The following ACLY variants were observed in gnomAD, a reference collection of about 807,000 sequenced individuals.
ACLY encodes the protein ATP citrate lyase.
In ACLY, 41 loss-of-function variants were observed where a neutral mutation model predicts 133.0. That is an observed-to-expected ratio of 0.31 (90% confidence interval 0.24 to 0.40). The LOEUF is 0.40. ACLY is among the 10% of genes least tolerant of loss of function. The pLI is 1.00. For synonymous variants in ACLY, 495 were observed against 549.3 expected (o/e 0.90, Z 1.38); for missense variants, 1,046 against 1,453.8 (o/e 0.72, Z 4.56).
intron 14 of ACLY, 48 bp downstream of exon 14, chr17:41,896,572 C>G (rs574285885): frequency 6.6e-7 from 1 of 1,514,206 alleles, no homozygotes; most frequent in South Asian, 1.3e-5. Context: ...AACTGTCACC[C>G]GCTAACAAAG....
intron 22 of ACLY, among the ~76,000 whole-genome samples, chr17:41,876,241 A>G (rs187475593): frequency 1.4e-5 from 2 of 139,378 alleles, no homozygotes; most frequent in African/African-American, 2.8e-5. Flanking sequence ...CGGGAGGGAG[A>G]TGGGGGTCAG....
intron 9 of ACLY, 144 bp from the exon 10 acceptor site, chr17:41,904,934 C>T: frequency 1.4e-6 from 1 of 738,936 alleles, no homozygotes. Flanking sequence ...GTAGGACAGT[C>T]TCTCCAGACA....
At chr17:41,892,969 G>A in intron 15 of ACLY, 64 bp downstream of exon 15, 1 of 1,569,488 alleles carries the variant, frequency 6.4e-7, no homozygotes, top group Non-Finnish European at 8.7e-7. Flanking sequence ...ATGAGCCACT[G>A]TGCCCAGCCC....
intron 1 of ACLY, among the ~76,000 whole-genome samples, chr17:41,924,852 C>G (rs2050223318): frequency 6.6e-6 from 1 of 152,040 alleles, no homozygotes; most frequent in South Asian, 2.1e-4. Context: ...TTCCCAGAGT[C>G]ACCCCCACTC....
intron 16 of ACLY, among the ~76,000 whole-genome samples, chr17:41,887,936 T>G (rs564436971): frequency 0.017 from 2,528 of 152,170 alleles, 81 homozygotes; most frequent in African/African-American, 0.058. Context: ...GAGACCAGCC[T>G]GGCCAACGTA....
chr17:41,913,448 C>T (rs2049960572), intron 2 of ACLY, among the ~76,000 whole-genome samples: 2 of 152,240 alleles, frequency 1.3e-5, no homozygotes, highest in South Asian at 4.1e-4. Flanking sequence ...TGGCTTGCCC[C>T]AGGCCACATG....
At chr17:41,884,406 A>G (rs2048997231) in intron 18 of ACLY, 132 bp from the exon 19 acceptor site, 2 of 632,514 alleles carry the variant, frequency 3.2e-6, no homozygotes, top group South Asian at 3.7e-5. Context: ...AAGGGTCCAG[A>G]GATGCCCCAG....
At chr17:41,917,782 G>T (rs2050090273) in intron 1 of ACLY, among the ~76,000 whole-genome samples, 1 of 152,104 alleles carries the variant, frequency 6.6e-6, no homozygotes, top group South Asian at 2.1e-4. Context: ...AAGCTGTCCA[G>T]TGTCTGAGGG....
chr17:41,919,969 C>T (rs1473681521), upstream of ACLY, among the ~76,000 whole-genome samples: 2 of 152,160 alleles, frequency 1.3e-5, no homozygotes, highest in African/African-American at 4.8e-5. Context: ...CGGAGCTGCT[C>T]CCTAAGCCTA....
At chr17:41,875,380 C>A (rs1284256333) in intron 22 of ACLY, among the ~76,000 whole-genome samples, 5 of 149,896 alleles carry the variant, frequency 3.3e-5, no homozygotes, top group Non-Finnish European at 7.4e-5. Flanking sequence ...GGACGAGATA[C>A]GTGGCTAAAG....
At chr17:41,905,761 G>T in intron 8 of ACLY, 103 bp from the exon 9 acceptor site, 1 of 1,447,548 alleles carries the variant, frequency 6.9e-7, no homozygotes, top group Non-Finnish European at 9.6e-7. Flanking sequence ...ACTGGAGTTA[G>T]CCTGTGGAAC....
intron 13 of ACLY, 78 bp from the exon 14 acceptor site, chr17:41,896,727 G>A: frequency 7.3e-7 from 1 of 1,361,312 alleles, no homozygotes; most frequent in South Asian, 1.5e-5. Context: ...TGGGAACAGG[G>A]AAGGGTCCCA....
At chr17:41,887,205 G>A (rs537399523) in intron 17 of ACLY, among the ~76,000 whole-genome samples, 3 of 149,706 alleles carry the variant, frequency 2.0e-5, no homozygotes, top group Non-Finnish European at 2.9e-5. Context: ...TTGGGAGGCC[G>A]AGGTGGGTGG....
intron 1 of ACLY, among the ~76,000 whole-genome samples, chr17:41,927,404 G>A (rs1372125580): frequency 2.0e-5 from 3 of 152,062 alleles, no homozygotes; most frequent in African/African-American, 7.2e-5. Context: ...TAGCTCAACC[G>A]TGTTAGCCAG....
chr17:41,916,566 G>A (rs545269751), intron 1 of ACLY, among the ~76,000 whole-genome samples: 2 of 151,440 alleles, frequency 1.3e-5, no homozygotes, highest in African/African-American at 2.4e-5. Flanking sequence ...TAGTAGAGGC[G>A]GGGTTTCACC....
In ACLY at chr17:41,906,754, A is replaced by G. The variant is rs1197806819; in HGVS notation, c.748-108T>C. The G allele has an allele frequency of 7.9e-6, 8 of 1,017,744 alleles. No individual in the cohort carries two copies. In the African/African-American group the frequency reaches 1.3e-4, roughly 16 times the overall value. The allele number at this position is 1,017,744 out of a possible 1,614,324, so 63.0% of individuals were successfully genotyped here. ...CTGGAAGCACATGAAAAGGTGCCTT[A>G]ATGGGGTGGGAAGAAGGGGCTACGC... On this transcript the variant is annotated intron_variant, in intron 7 of 28. Transcript: ENST00000352035.
At chr17:41,911,855 C>A (rs1273585317) in intron 3 of ACLY, among the ~76,000 whole-genome samples, 6 of 152,060 alleles carry the variant, frequency 3.9e-5, no homozygotes, top group African/African-American at 1.4e-4. Flanking sequence ...TGGCTCATGC[C>A]TATAATCCCA....
intron 11 of ACLY, among the ~76,000 whole-genome samples, chr17:41,899,210 G>A (rs1250594384): frequency 6.6e-6 from 1 of 152,092 alleles, no homozygotes; most frequent in Non-Finnish European, 1.5e-5. Context: ...GGGAGGCAGA[G>A]GTTGCAAAGT....
intron 23 of ACLY, 131 bp from the exon 24 acceptor site, chr17:41,872,313 C>A (rs2048618832): frequency 1.2e-6 from 1 of 847,026 alleles, no homozygotes; most frequent in Non-Finnish European, 1.8e-6. Flanking sequence ...TACCACACAA[C>A]TCTAAGGCAA....
Sources: allele counts gnomAD v4.1 joint callset (sites outside exome capture counted in the v4.1 genomes callset), GRCh38; gene constraint gnomAD v4.1.1; transcripts MANE v1.5; gene names NCBI Gene and HGNC (gene_info 2026-07-23, HGNC 2026-07-21).